The following SRC variants were observed in gnomAD, a reference collection of about 807,000 sequenced individuals.
SRC encodes the protein SRC proto-oncogene, non-receptor tyrosine kinase.
SRC carries 13 observed loss-of-function variants against 62.9 expected under a neutral mutation model. The observed-to-expected ratio is 0.21, with a 90% CI of 0.13 to 0.33. The LOEUF is 0.33. SRC is among the 10% of genes least tolerant of loss of function. SRC has a pLI of 1.00. For synonymous variants in SRC, 302 were observed against 317.5 expected (o/e 0.95, Z 0.52); for missense variants, 457 against 737.3 (o/e 0.62, Z 4.40).
chr20:37,379,027 G>C (rs1430693080), intron 2 of SRC, among the ~76,000 whole-genome samples: 4 of 151,928 alleles, frequency 2.6e-5, no homozygotes, highest in Admixed American at 2.6e-4. Flanking sequence ...GTGGGGGGGA[G>C]ATGCAGGCTT....
chr20:37,371,276 G>C (rs1227964681), intron 2 of SRC, among the ~76,000 whole-genome samples: 1 of 152,144 alleles, frequency 6.6e-6, no homozygotes, highest in Non-Finnish European at 1.5e-5. Context: ...TTACAGGCGT[G>C]AGCCACCGTG....
chr20:37,346,295 CCAGCGCGGGGGAGCCCCCGCCCCGGA>C (rs1352367694), intron 1 of SRC, 40 bp downstream of exon 1: 2 of 147,830 alleles, frequency 1.4e-5, no homozygotes, highest in Admixed American at 6.7e-5. Context: ...CCCGCCCCGG[CCAGCGCGGGGGAGCCCCCGCCCCGGA>C]CCACCCTGGC....
chr20:37,397,986 C>T lies in SRC; in HGVS notation c.859+132C>T, dbSNP rs1016171808. 81 of 1,222,960 alleles carry T rather than the reference C, an allele frequency of 6.6e-5. No homozygotes were observed. Among genetic ancestry groups the T allele is most frequent in the Non-Finnish European group, 8.7e-5 (78 of 899,862 alleles). The allele number at this position is 1,222,960 out of a possible 1,614,324, so 75.8% of individuals were successfully genotyped here. A position where few individuals can be genotyped will look rare whatever the true frequency, so the allele number is the denominator to read the frequency against. On this transcript the variant is annotated intron_variant, in intron 9 of 13. Coordinates refer to ENST00000373578, the MANE Select transcript of SRC (RefSeq NM_198291.3). The surrounding 1 kb of genome is among the most constrained non-coding windows in gnomAD (Gnocchi z 4.1). Reference sequence around the variant, plus strand: ...GGGCCCTGTTGTAAATCTGGAGCTCCCCAGCGGTGGCTGGCACCGAGTTGG... The same window carrying T: ...GGGCCCTGTTGTAAATCTGGAGCTCTCCAGCGGTGGCTGGCACCGAGTTGG...
intron 5 of SRC, among the ~76,000 whole-genome samples, chr20:37,390,440 C>T (rs1044817183): frequency 7.0e-6 from 1 of 142,448 alleles, no homozygotes; most frequent in Admixed American, 7.2e-5. Context: ...CTCTGTGGCC[C>T]AGGCTGGAGT....
chr20:37,362,954 C>T (rs966313304), intron 1 of SRC, among the ~76,000 whole-genome samples: 5 of 152,192 alleles, frequency 3.3e-5, no homozygotes, highest in African/African-American at 9.7e-5. Flanking sequence ...ATAGCTCCCT[C>T]GCCTTTCTCT....
chr20:37,397,687 C>T lies in SRC; in HGVS notation c.704-12C>T. 2 of 1,548,798 alleles carry T rather than the reference C, an allele frequency of 1.3e-6. No individual in the cohort carries two copies. Among genetic ancestry groups the T allele is most frequent in the East Asian group, 2.3e-5 (1 of 43,182 alleles). On this transcript the variant is annotated splice_polypyrimidine_tract_variant and intron_variant, in intron 8 of 13. Transcript: ENST00000373578. The surrounding 1 kb of genome is among the most constrained non-coding windows in gnomAD (Gnocchi z 4.1). ...AAGACCCGCCTAACTGCTCCTCCTG[C>T]CTCCTCCTCAGAACACGCCGATGGC... is the stretch of plus-strand genomic sequence containing the variant.
chr20:37,354,406 A>T (rs2069850510), intron 1 of SRC, among the ~76,000 whole-genome samples: 1 of 152,194 alleles, frequency 6.6e-6, no homozygotes, highest in Admixed American at 6.5e-5. Flanking sequence ...GGGTACGGTC[A>T]TCTCCATAAA....
intron 5 of SRC, among the ~76,000 whole-genome samples, chr20:37,393,043 C>T (rs566811351): frequency 1.2e-4 from 18 of 152,320 alleles, no homozygotes; most frequent in African/African-American, 4.3e-4. Flanking sequence ...CGCTCCCGCC[C>T]AGGCCCAGGG....
At chr20:37,394,982 TTGTC>T (rs931356645) in intron 7 of SRC, among the ~76,000 whole-genome samples, 6 of 152,118 alleles carry the variant, frequency 3.9e-5, no homozygotes, top group Non-Finnish European at 8.8e-5. Flanking sequence ...CTGCTGTGGT[TTGTC>T]TGGTGCCTGA....
intron 5 of SRC, among the ~76,000 whole-genome samples, chr20:37,390,001 G>A (rs1343658063): frequency 6.6e-6 from 1 of 152,152 alleles, no homozygotes; most frequent in Non-Finnish European, 1.5e-5. Context: ...ACCGGAGGCA[G>A]CTTTGAGCCT....
intron 1 of SRC, among the ~76,000 whole-genome samples, chr20:37,358,250 G>A (rs6017996): frequency 0.25 from 37,591 of 152,136 alleles, 7,168 homozygotes; most frequent in African/African-American, 0.53. Flanking sequence ...GATTTTGATC[G>A]CTGTTGTTTT....
chr20:37,393,068 G>A (rs959417870), intron 5 of SRC, among the ~76,000 whole-genome samples: 28 of 151,986 alleles, frequency 1.8e-4, no homozygotes, highest in African/African-American at 6.3e-4. Context: ...CGACCACGCC[G>A]GGAGCTCTTC....
chr20:37,367,292 C>T (rs2070079154), intron 2 of SRC, among the ~76,000 whole-genome samples: 1 of 150,796 alleles, frequency 6.6e-6, no homozygotes, highest in Non-Finnish European at 1.5e-5. Flanking sequence ...GTTGCCCAGG[C>T]TGGTCTCGAA....
Position 37,403,449 on chromosome 20 carries a change from C to T in SRC, c.*70C>T, listed in dbSNP as rs2070775076. 6.9e-7 allele frequency: 1 copy of T among 1,457,512 alleles called. No homozygotes were observed. Among genetic ancestry groups the T allele is most frequent in the Non-Finnish European group, 9.2e-7 (1 of 1,086,290 alleles). 90.3% of individuals were successfully genotyped at this position (1,457,512 alleles called of 1,614,324 possible). On this transcript the variant is annotated 3_prime_UTR_variant, in exon 14 of 14. Transcript: ENST00000373578. The surrounding 1 kb of genome is among the most constrained non-coding windows in gnomAD (Gnocchi z 7.1). ...GGGTGGCCCCTGTCTCGGGGCTTGC[C>T]CCACTCTGCCTGCCTGCTGTTGGTC...
intron 1 of SRC, among the ~76,000 whole-genome samples, chr20:37,361,598 C>A (rs1045147240): frequency 6.6e-6 from 1 of 152,236 alleles, no homozygotes; most frequent in Non-Finnish European, 1.5e-5. Flanking sequence ...ACAGTGGGTG[C>A]CATGGGCAGG....
intron 2 of SRC, among the ~76,000 whole-genome samples, chr20:37,366,740 A>G (rs892010643): frequency 5.9e-5 from 9 of 152,186 alleles, no homozygotes; most frequent in Non-Finnish European, 1.3e-4. Flanking sequence ...ATAATATTCT[A>G]TCATATGGAT....
chr20:37,390,834 G>A (rs1397594028), intron 5 of SRC, among the ~76,000 whole-genome samples: 1 of 152,208 alleles, frequency 6.6e-6, no homozygotes, highest in Admixed American at 6.5e-5. Context: ...ATGGTGTCTA[G>A]GGCAGTGCAG....
Position 37,401,660 on chromosome 20 carries a change from G to T in SRC, c.1098G>T (p.Leu366=), listed in dbSNP as rs143550480. ...GCAAGTACCTGCGGCTGCCTCAGCTGGTGGACATGGCTGCTCAGGTGAGTC... is the reference window on the plus strand; with the variant it reads ...GCAAGTACCTGCGGCTGCCTCAGCTTGTGGACATGGCTGCTCAGGTGAGTC... ...ETGKYLRLPQ[L]VDMAAQIASG... is the part of the protein sequence containing the mutation. The change falls in exon 11 of 14, where the codon CTG becomes CTT. Residue 366 remains leucine, a synonymous_variant. Coordinates refer to ENST00000373578, the MANE Select transcript of SRC (RefSeq NM_198291.3). 2.5e-6 allele frequency: 4 copies of T among 1,610,516 alleles called. No individual in the cohort carries two copies. Among genetic ancestry groups the T allele is most frequent in the East Asian group, 2.3e-5 (1 of 44,408 alleles).
rs1365991950 is a variant in SRC at position 37,397,720 on chromosome 20, A to G, written c.725A>G (p.His242Arg). Residue 242 changes from histidine to arginine, a missense_variant, in exon 9 of 14, where the codon CAC becomes CGC. Physicochemically the swap from His to Arg is conservative, Grantham distance 29. Transcript: ENST00000373578. This position sits in a 1 kb window ranked among gnomAD's most constrained non-coding sequence, Gnocchi z 4.1. ...YYSKHADGLC[H>R]RLTTVCPTSK... ...TCAGAACACGCCGATGGCCTGTGCC[A>G]CCGCCTCACCACCGTGTGCCCCACG... 1 of 1,595,924 alleles carries G rather than the reference A, an allele frequency of 6.3e-7. No homozygotes were observed. Among genetic ancestry groups the G allele is most frequent in the Admixed American group, 1.7e-5 (1 of 58,756 alleles).
Sources: gnomAD v4.1 joint callset for allele counts (sites outside exome capture counted in the v4.1 genomes callset) on GRCh38, gnomAD v4.1.1 for gene constraint, Gnocchi (gnomAD v3.1) non-coding constraint, MANE v1.5 for transcripts, NCBI Gene and HGNC (gene_info 2026-07-23, HGNC 2026-07-21) for gene names.